PIP5K1B: variants seen among roughly 807,000 people sequenced by gnomAD.
PIP5K1B encodes the protein phosphatidylinositol-4-phosphate 5-kinase type 1 beta.
Under a neutral mutation model 67.0 loss-of-function variants are expected in PIP5K1B, and 42 were observed. The ratio of observed to expected loss-of-function variants is 0.63; its 90% CI spans 0.49 to 0.81. The LOEUF (loss-of-function observed/expected upper bound fraction) is 0.81. Ranked by LOEUF, PIP5K1B falls within the 30% of genes least tolerant of loss-of-function variation. The pLI, the probability that PIP5K1B is intolerant of heterozygous loss-of-function variation, is 0.00. For missense variants in PIP5K1B, 459 were observed against 646.3 expected (o/e 0.71, Z 3.14); for synonymous variants, 214 against 231.4 (o/e 0.92, Z 0.68).
chr9:68,995,833 A>G (rs1358371353), intron 15 of PIP5K1B, among the ~76,000 whole-genome samples: 1 of 152,062 alleles, frequency 6.6e-6, no homozygotes, highest in African/African-American at 2.4e-5. Flanking sequence ...GAAGAAAGAA[A>G]ATGGAAAAGA....
chr9:68,947,547 A>G (rs1413624268), intron 14 of PIP5K1B, among the ~76,000 whole-genome samples: 1 of 152,136 alleles, frequency 6.6e-6, no homozygotes, highest in Non-Finnish European at 1.5e-5. Flanking sequence ...AAAAACAACC[A>G]CAACACATGG....
intron 1 of PIP5K1B, among the ~76,000 whole-genome samples, chr9:68,718,821 T>C (rs984000052): frequency 2.0e-5 from 3 of 152,192 alleles, no homozygotes; most frequent in African/African-American, 7.2e-5. Flanking sequence ...AAATCTTGTC[T>C]GCTTTTTCTT....
intron 4 of PIP5K1B, chr9:68,824,250 A>C (rs768815545): frequency 9.6e-6 from 5 of 518,648 alleles, no homozygotes; most frequent in African/African-American, 3.9e-5. Context: ...GATGCACTGA[A>C]ATTCTTGACC....
chr9:68,876,602 G>A, intron 5 of PIP5K1B, 75 bp from the exon 6 acceptor site: 2 of 823,774 alleles, frequency 2.4e-6, no homozygotes, highest in South Asian at 2.8e-5. Context: ...GACTAATAGA[G>A]CTACAATTTG....
intron 6 of PIP5K1B, among the ~76,000 whole-genome samples, chr9:68,881,702 A>G (rs907623866): frequency 1.3e-5 from 2 of 152,270 alleles, no homozygotes; most frequent in Non-Finnish European, 2.9e-5. Flanking sequence ...ATTGTGAGAC[A>G]GTATGGTGAA....
intron 2 of PIP5K1B, among the ~76,000 whole-genome samples, chr9:68,790,679 T>C (rs1362365057): frequency 1.3e-5 from 2 of 152,224 alleles, no homozygotes; most frequent in Admixed American, 6.5e-5. Flanking sequence ...TATTTAGCTT[T>C]CCTGCCACTT....
chr9:68,930,599 A>T (rs554535060), intron 12 of PIP5K1B, among the ~76,000 whole-genome samples: 9 of 149,490 alleles, frequency 6.0e-5, no homozygotes, highest in African/African-American at 1.2e-4. Flanking sequence ...TTTTATTATT[A>T]TTTTTTTTTT....
chr9:68,762,899 C>G (rs984078157), intron 2 of PIP5K1B, among the ~76,000 whole-genome samples: 1 of 152,094 alleles, frequency 6.6e-6, no homozygotes, highest in African/African-American at 2.4e-5. Flanking sequence ...TTTCCTCACT[C>G]TGTAGTCTAT....
At chr9:68,796,596 A>T (rs1208648626) in intron 2 of PIP5K1B, among the ~76,000 whole-genome samples, 1 of 152,132 alleles carries the variant, frequency 6.6e-6, no homozygotes, top group South Asian at 2.1e-4. Flanking sequence ...CAAACTAGAG[A>T]GTTTTGATAA....
chr9:68,889,177 T>A (rs1824640595), intron 7 of PIP5K1B, 44 bp downstream of exon 7: 1 of 1,488,216 alleles, frequency 6.7e-7, no homozygotes, highest in Non-Finnish European at 9.2e-7. Flanking sequence ...GAAGTTTAAT[T>A]ACTTTCCTCA....
At chr9:68,862,689 G>A (rs6560406) in intron 4 of PIP5K1B, among the ~76,000 whole-genome samples, 65,753 of 151,736 alleles carry the variant, frequency 0.43, 14,490 homozygotes, top group South Asian at 0.51. Flanking sequence ...CTACTCAGGC[G>A]GCTGAGGCAT....
intron 13 of PIP5K1B, among the ~76,000 whole-genome samples, chr9:68,939,341 C>G (rs142678810): frequency 1.3e-5 from 2 of 152,308 alleles, no homozygotes; most frequent in East Asian, 3.9e-4. Context: ...TGCCCAAAAC[C>G]TAGGTCGAAG....
intron 4 of PIP5K1B, among the ~76,000 whole-genome samples, chr9:68,853,854 C>T (rs1248593725): frequency 6.6e-6 from 1 of 152,136 alleles, no homozygotes; most frequent in Non-Finnish European, 1.5e-5. Flanking sequence ...GTTCCTGGTA[C>T]ATTTTACAAC....
chr9:68,710,312 T>C (rs550662857), intron 1 of PIP5K1B, among the ~76,000 whole-genome samples: 15 of 152,328 alleles, frequency 9.8e-5, no homozygotes, highest in African/African-American at 3.4e-4. Context: ...TAGAGCAGGA[T>C]GTGTTACTTT....
At chr9:68,827,096 G>T (rs551881281) in intron 4 of PIP5K1B, among the ~76,000 whole-genome samples, 1 of 152,128 alleles carries the variant, frequency 6.6e-6, no homozygotes, top group Non-Finnish European at 1.5e-5. Flanking sequence ...ATTTACCTAC[G>T]TGTTTGTCTT....
chr9:68,904,757 C>CTTTT (rs34367926), intron 8 of PIP5K1B, among the ~76,000 whole-genome samples: 3 of 147,668 alleles, frequency 2.0e-5, no homozygotes, highest in Non-Finnish European at 1.5e-5. Context: ...CAGTAGTTTG[C>CTTTT]TTTTTTTTTT....
chr9:68,715,619 G>A (rs552684153), intron 1 of PIP5K1B, among the ~76,000 whole-genome samples: 7 of 152,156 alleles, frequency 4.6e-5, no homozygotes, highest in East Asian at 1.9e-4. Flanking sequence ...TAGTTTCCTC[G>A]CCCCCACCAG....
chr9:68,854,266 G>A (rs566302654), intron 4 of PIP5K1B, among the ~76,000 whole-genome samples: 1 of 151,688 alleles, frequency 6.6e-6, no homozygotes, highest in Non-Finnish European at 1.5e-5. Flanking sequence ...GAGTAACTGG[G>A]ACTACAGGTG....
chr9:68,759,885 T>G (rs1327104497), intron 2 of PIP5K1B, among the ~76,000 whole-genome samples: 1 of 152,084 alleles, frequency 6.6e-6, no homozygotes, highest in Non-Finnish European at 1.5e-5. Flanking sequence ...CCAGAAAAAT[T>G]TAAATTACCT....
Sources: gnomAD v4.1 joint callset for allele counts (sites outside exome capture counted in the v4.1 genomes callset) on GRCh38, gnomAD v4.1.1 for gene constraint, MANE v1.5 for transcripts, NCBI Gene and HGNC (gene_info 2026-07-23, HGNC 2026-07-21) for gene names.